The following RNF213 variants were observed in gnomAD, a reference collection of about 807,000 sequenced individuals.
The protein encoded by RNF213 is E3 ubiquitin-protein ligase RNF213.
Under a neutral mutation model 514.4 loss-of-function variants are expected in RNF213, and 341 were observed. The observed-to-expected ratio is 0.66, with a 90% CI of 0.61 to 0.73. The LOEUF (loss-of-function observed/expected upper bound fraction) is 0.73, where lower values mean the gene tolerates loss of function less well. Ranked by LOEUF, RNF213 falls within the 30% of genes least tolerant of loss-of-function variation. RNF213 has a pLI of 0.00. For synonymous variants in RNF213, 2,655 were observed against 2,658.2 expected, an observed-to-expected ratio of 1.00 and a Z score of 0.04; for missense variants, 5,767 against 6,615.6, an observed-to-expected ratio of 0.87 and a Z score of 4.45.
At position 80,372,568 on chromosome 17, in the gene RNF213, G is replaced by T; in HGVS notation, c.12585G>T (p.Leu4195=). The change falls in exon 48 of 68, where the codon CTG becomes CTT. Residue 4195 remains leucine, a synonymous_variant. Transcript: ENST00000582970. The part of the protein sequence containing the change: ...KTSAYSRNDE[L]NHLEEEGRFL... Reference sequence around the variant, plus strand: ...GTGCTTACTCCAGAAATGATGAACTGAACCACCTAGAAGAGGAAGGTCGTT... The same window carrying T: ...GTGCTTACTCCAGAAATGATGAACTTAACCACCTAGAAGAGGAAGGTCGTT... 2 of 1,613,970 alleles carry T rather than the reference G, an allele frequency of 1.2e-6. No homozygotes were observed. The highest frequency in any genetic ancestry group is 1.7e-6 in the Non-Finnish European group (2 of 1,179,958).
intron 18 of RNF213, 89 bp from the exon 19 acceptor site, chr17:80,327,727 A>G (rs2046316488): frequency 8.5e-7 from 1 of 1,174,142 alleles, no homozygotes; most frequent in African/African-American, 1.5e-5. Flanking sequence ...TGGGGGCAGA[A>G]CAAGAGGTTA....
intron 2 of RNF213, among the ~76,000 whole-genome samples, chr17:80,268,220 G>C (rs890977748): frequency 2.6e-5 from 4 of 151,862 alleles, no homozygotes; most frequent in Admixed American, 6.6e-5. Context: ...TCCATATCTT[G>C]GCTATTGTGA....
At position 80,345,565 on chromosome 17, in the gene RNF213, C is replaced by T. The variant is rs1243055964; in HGVS notation, c.7230C>T (p.Phe2410=). Residue 2410 remains phenylalanine, a synonymous_variant, in exon 29 of 68, where the codon TTC becomes TTT. Transcript: ENST00000582970. The surrounding 1 kb of genome is among the most constrained non-coding windows in gnomAD (Gnocchi z 6.0). ...MLKILAIEMR[F]RCGIPVIIMG... is the part of the protein sequence containing the mutation. ...AAATCCTTGCCATCGAGATGCGGTT[C>T]CGGTGTGGGATCCCGGTTATCATCA... The T allele has an allele frequency of 6.2e-7, 1 of 1,613,364 alleles. No homozygotes were observed. Among genetic ancestry groups the T allele is most frequent in the Non-Finnish European group, 8.5e-7 (1 of 1,179,436 alleles).
chr17:80,362,720 T>G (rs2079100901), intron 39 of RNF213, among the ~76,000 whole-genome samples: 1 of 152,220 alleles, frequency 6.6e-6, no homozygotes. Flanking sequence ...GGACAAATAT[T>G]TGGTTCACAG....
chr17:80,308,268 C>T (rs1218375297), intron 13 of RNF213, among the ~76,000 whole-genome samples: 1 of 151,982 alleles, frequency 6.6e-6, no homozygotes, highest in African/African-American at 2.4e-5. Context: ...TTGAGGATCC[C>T]CCCCACAAGC....
At chr17:80,318,941 T>A (rs1280830616) in intron 16 of RNF213, among the ~76,000 whole-genome samples, 1 of 152,214 alleles carries the variant, frequency 6.6e-6, no homozygotes, top group Admixed American at 6.5e-5. Context: ...CTATGTCTCA[T>A]AACTTACCTG....
chr17:80,290,624 T>C lies in RNF213; in HGVS notation c.1167T>C (p.Leu389=), dbSNP rs2044687084. 6.2e-7 allele frequency: 1 copy of C among 1,614,146 alleles called. No homozygotes were observed. Among genetic ancestry groups the C allele is most frequent in the Non-Finnish European group, 8.5e-7 (1 of 1,180,016 alleles). The change falls in exon 7 of 68, where the codon CTT becomes CTC. Residue 389 remains leucine, a synonymous_variant. Coordinates refer to ENST00000582970, the MANE Select transcript of RNF213 (RefSeq NM_001256071.3). ...TGTTCTTCCACGCCATCATCTCTCT[T>C]CATTTCCCATTCAATCCTGACCTCC... The part of the protein sequence containing the change: ...VTVFFHAIIS[L]HFPFNPDLHK...
At position 80,349,776 on chromosome 17, in the gene RNF213, A is replaced by G; in HGVS notation, c.9958A>G (p.Thr3320Ala). ...GCATTTCTTAACTCTGTAGATCACCACTTTCTCCAGGCTGCTAACAAGTCA... is the reference window on the plus strand; with the variant it reads ...GCATTTCTTAACTCTGTAGATCACCGCTTTCTCCAGGCTGCTAACAAGTCA... ...ERHAIFTEIT[T>A]FSRLLTSHDC... The change falls in exon 30 of 68, where the codon ACT becomes GCT. Residue 3320 changes from threonine (T) to alanine (A), a missense_variant. This residue lies in a region of RNF213 where 919 missense variants were observed against 1,121.0 expected (regional missense o/e 0.82). Coordinates refer to ENST00000582970, the MANE Select transcript of RNF213 (RefSeq NM_001256071.3). The G allele has an allele frequency of 6.2e-7, 1 of 1,614,140 alleles. No homozygotes were observed. The highest frequency in any genetic ancestry group is 8.5e-7 in the Non-Finnish European group (1 of 1,180,012).
In RNF213 at chr17:80,347,066, A is replaced by G; in HGVS notation, c.8731A>G (p.Ile2911Val). 1 of 1,613,968 alleles carries G rather than the reference A, an allele frequency of 6.2e-7. No homozygotes were observed. Among genetic ancestry groups the G allele is most frequent in the Non-Finnish European group, 8.5e-7 (1 of 1,179,880 alleles). The change falls in exon 29 of 68, where the codon ATA (isoleucine) becomes GTA (valine). Residue 2911 changes from isoleucine (I) to valine (V), a missense_variant. Ile to Val is a conservative substitution (Grantham distance 29). Around this residue, in one of 13 missense-constraint regions of RNF213, gnomAD observed 919 missense variants for 1,121.0 expected, o/e 0.82. Transcript: ENST00000582970. The surrounding 1 kb of genome is among the most constrained non-coding windows in gnomAD (Gnocchi z 7.2). Reference sequence around the variant, plus strand: ...TGGCAGCCCCAACGAGACAGAGCTCATAGAGAGCGCCAAGGGCATCTGCTC... The same window carrying G: ...TGGCAGCCCCAACGAGACAGAGCTCGTAGAGAGCGCCAAGGGCATCTGCTC... Reference protein sequence around the residue: ...SRGSPNETELIESAKGICSSD... With the variant: ...SRGSPNETELVESAKGICSSD...
At chr17:80,269,870 A>C (rs2043761919) in intron 2 of RNF213, among the ~76,000 whole-genome samples, 1 of 152,360 alleles carries the variant, frequency 6.6e-6, no homozygotes, top group South Asian at 2.1e-4. Flanking sequence ...GTATTTAATG[A>C]GTTAACATGT....
At chr17:80,360,265 GAC>G in intron 38 of RNF213, 59 bp downstream of exon 38, 2 of 1,570,294 alleles carry the variant, frequency 1.3e-6, no homozygotes, top group Admixed American at 3.6e-5. Flanking sequence ...GGGATTGCCT[GAC>G]AGTGAAAAGC....
Position 80,313,079 on chromosome 17 carries a change from C to G in RNF213, c.2723C>G (p.Ala908Gly). The change falls in exon 15 of 68, where the codon GCT (alanine) becomes GGT (glycine). Residue 908 changes from alanine (A) to glycine (G), a missense_variant. Physicochemically the swap from Ala to Gly is moderately conservative, Grantham distance 60. Around this residue, in one of 13 missense-constraint regions of RNF213, gnomAD observed 592 missense variants for 673.9 expected, o/e 0.88. Transcript: ENST00000582970. ...CAAACAGTCTTCCAAGGGACCCTTGCTGCTACGAAAAGGTGGCTCCGAGAA... is the reference window on the plus strand; with the variant it reads ...CAAACAGTCTTCCAAGGGACCCTTGGTGCTACGAAAAGGTGGCTCCGAGAA... The part of the protein sequence containing the change: ...SVQTVFQGTL[A>G]ATKRWLREVF... 1 of 1,614,098 alleles carries G rather than the reference C, an allele frequency of 6.2e-7. No homozygotes were observed.
chr17:80,379,091 C>G (rs1388833883), intron 54 of RNF213, among the ~76,000 whole-genome samples: 2 of 152,088 alleles, frequency 1.3e-5, no homozygotes, highest in African/African-American at 4.8e-5. Flanking sequence ...ACTTGGGAGG[C>G]TAAGGTAGGA....
chr17:80,364,361 CCCT>C lies in RNF213; in HGVS notation c.11751-67_11751-65del, dbSNP rs1319051284. On this transcript the variant is annotated intron_variant, in intron 41 of 67. Coordinates refer to ENST00000582970, the MANE Select transcript of RNF213 (RefSeq NM_001256071.3). Reference sequence around the variant, plus strand: ...GGGTCCCGCATCTCTTCTCCCGTCTCCCTCCTCGTTTCACCCTTGGGTTCCTTG... The same window carrying C: ...GGGTCCCGCATCTCTTCTCCCGTCTCCCTCGTTTCACCCTTGGGTTCCTTG... The C allele has an allele frequency of 9.3e-6, 15 of 1,610,020 alleles. No homozygotes were observed. In the Admixed American group the frequency reaches 1.0e-4, roughly 11 times the overall value.
intron 12 of RNF213, 43 bp downstream of exon 12, chr17:80,306,511 G>A (rs1255990132): frequency 1.9e-6 from 3 of 1,559,194 alleles, no homozygotes; most frequent in Non-Finnish European, 1.8e-6. Context: ...CTTAGCAAAA[G>A]CAGACTAGAT....
In RNF213 at chr17:80,306,486, G is replaced by A. The variant is rs752910151; in HGVS notation, c.2427+18G>A. 47 of 1,610,092 alleles carry A rather than the reference G, an allele frequency of 2.9e-5. No homozygotes were observed. The highest frequency in any genetic ancestry group is 4.0e-5 in the Non-Finnish European group (47 of 1,176,940). On this transcript the variant is annotated intron_variant, in intron 12 of 67. Coordinates refer to ENST00000582970, the MANE Select transcript of RNF213 (RefSeq NM_001256071.3). ...ATACGCAGGTTTGTGTCTGAAGTCG[G>A]CTCTGGAGTCCTGGCTTAGCAAAAG... is the stretch of plus-strand genomic sequence containing the variant.
At chr17:80,275,290 G>T (rs1394048545) in intron 3 of RNF213, among the ~76,000 whole-genome samples, 2 of 151,822 alleles carry the variant, frequency 1.3e-5, no homozygotes, top group East Asian at 1.9e-4. Context: ...CACATGGGAT[G>T]CGGAAGGTTT....
chr17:80,398,640 C>A lies in RNF213; in HGVS notation c.*5142C>A, dbSNP rs1392973908. On this transcript the variant is annotated 3_prime_UTR_variant, in exon 68 of 68. Coordinates refer to ENST00000582970, the MANE Select transcript of RNF213 (RefSeq NM_001256071.3). ...CCAACAGTGGTTGAGAGAACAGCAG[C>A]ATAAGTGGCTGGCAGAGGCAAGGAA... 1 of 123,956 alleles carries A rather than the reference C, an allele frequency of 8.1e-6. No homozygotes were observed. The highest frequency in any genetic ancestry group is 2.4e-4 in the East Asian group (1 of 4,154). The allele number at this position is 123,956 out of a possible 1,614,324, so 7.7% of individuals were successfully genotyped here.
rs1192285002 is a variant in RNF213 at position 80,347,743 on chromosome 17, C to T, written c.9408C>T (p.His3136=). 1 of 1,614,160 alleles carries T rather than the reference C, an allele frequency of 6.2e-7. No individual in the cohort carries two copies. The change falls in exon 29 of 68, where the codon CAC becomes CAT. Residue 3136 remains histidine, a synonymous_variant. Coordinates refer to ENST00000582970, the MANE Select transcript of RNF213 (RefSeq NM_001256071.3). This position sits in a 1 kb window ranked among gnomAD's most constrained non-coding sequence, Gnocchi z 7.2. ...ACGTGGACCTCGGTCTGGGGACCCA[C>T]CGCGTCAAATGTCGGGTTCACCCCA... ...QKYVDLGLGT[H]RVKCRVHPNF... is the part of the protein sequence containing the mutation.
Sources: allele counts gnomAD v4.1 joint callset (sites outside exome capture counted in the v4.1 genomes callset), GRCh38; gene constraint gnomAD v4.1.1; regional missense constraint gnomAD v4.1.1; non-coding constraint Gnocchi (gnomAD v3.1); transcripts MANE v1.5; gene names NCBI Gene and HGNC (gene_info 2026-07-23, HGNC 2026-07-21).